HERC4: variants seen among roughly 807,000 people sequenced by gnomAD.
HERC4 encodes the protein probable E3 ubiquitin-protein ligase HERC4.
HERC4 carries 28 observed loss-of-function variants against 124.3 expected under a neutral mutation model. The observed-to-expected ratio is 0.23, with a 90% CI of 0.17 to 0.31. The LOEUF (loss-of-function observed/expected upper bound fraction) is 0.31. HERC4 is among the 10% of genes least tolerant of loss of function. The pLI, the probability that HERC4 is intolerant of heterozygous loss-of-function variation, is 1.00. For missense variants in HERC4, 713 were observed against 1,229.3 expected, an observed-to-expected ratio of 0.58 and a Z score of 6.28; for synonymous variants, 407 against 421.5, an observed-to-expected ratio of 0.97 and a Z score of 0.42.
intron 4 of HERC4, 103 bp downstream of exon 4, chr10:68,044,301 T>G: frequency 1.9e-5 from 20 of 1,065,044 alleles, no homozygotes; most frequent in Non-Finnish European, 2.4e-5. Flanking sequence ...GGAGAAATAA[T>G]GAGATGTCAA....
chr10:67,989,836 T>C, intron 14 of HERC4, among the ~76,000 whole-genome samples: 1 of 152,050 alleles, frequency 6.6e-6, no homozygotes, highest in East Asian at 1.9e-4. Context: ...AAAGGGCTTA[T>C]ATCAGGGTTC....
At chr10:68,031,884 GCT>G (rs2039224796) in intron 7 of HERC4, among the ~76,000 whole-genome samples, 1 of 152,056 alleles carries the variant, frequency 6.6e-6, no homozygotes, top group Non-Finnish European at 1.5e-5. Context: ...CTCCGGAGTA[GCT>G]GGGGATAGGT....
In HERC4 at chr10:67,988,853, A is replaced by G; in HGVS notation, c.1634-18T>C. The G allele has an allele frequency of 1.3e-6, 2 of 1,558,990 alleles. No individual in the cohort carries two copies. Among genetic ancestry groups the G allele is most frequent in the Non-Finnish European group, 1.7e-6 (2 of 1,153,150 alleles). On this transcript the variant is annotated intron_variant, in intron 14 of 24. Coordinates refer to ENST00000373700, the MANE Select transcript of HERC4 (RefSeq NM_015601.4). ...CCAGTTTTCTGTTATTAAAAAGTGA[A>G]CATGCAAATAAAATGAATTTTTTAA...
At position 68,041,427 on chromosome 10, in the gene HERC4, T is replaced by C. The variant is rs187925530; in HGVS notation, c.386+2977A>G. On this transcript the variant is annotated intron_variant, in intron 4 of 24. Transcript: ENST00000373700. ...TAATTTTTCTTTTTAATCTATAATG[T>C]TCCAAATTTTCAGATGCTAAAATTA... is the stretch of plus-strand genomic sequence containing the variant. Among the ~76,000 whole-genome samples the C allele has an allele frequency of 2.7e-3, 406 of 152,290 alleles. 2 individuals carry two copies. The highest frequency in any genetic ancestry group is 9.2e-3 in the African/African-American group (381 of 41,578).
At chr10:68,027,694 G>A (rs1304779618) in intron 7 of HERC4, among the ~76,000 whole-genome samples, 4 of 152,094 alleles carry the variant, frequency 2.6e-5, no homozygotes, top group South Asian at 4.1e-4. Flanking sequence ...AGGCTGAGGC[G>A]GGTGGATCAT....
chr10:67,991,087 T>C lies in HERC4; in HGVS notation c.1331+53A>G. On this transcript the variant is annotated intron_variant, in intron 12 of 24. Coordinates refer to ENST00000373700, the MANE Select transcript of HERC4 (RefSeq NM_015601.4). Reference sequence around the variant, plus strand: ...TATTTCATTTTTTAATTTGATATACTATTTAAGACAATAAATTTGAAAATT... The same window carrying C: ...TATTTCATTTTTTAATTTGATATACCATTTAAGACAATAAATTTGAAAATT... The C allele has an allele frequency of 2.2e-6, 3 of 1,360,370 alleles. No homozygotes were observed. The South Asian group carries it at 5.0e-5, about 23-fold the overall frequency. The allele number at this position is 1,360,370 out of a possible 1,614,324, so 84.3% of individuals were successfully genotyped here. A position where few individuals can be genotyped will look rare whatever the true frequency, so the allele number is the denominator to read the frequency against.
rs1564608420 is a variant in HERC4, at chr10:68,059,657, CATATTATATATTATATTATATATCATA to C, written c.226+13199_226+13225del. On this transcript the variant is annotated intron_variant, in intron 3 of 24. Transcript: ENST00000373700. ...TAATATTATATATTATATTATATATCATATTATATATTATATTATATATCATAATATTATATATTATAATATTATATA... is the reference window on the plus strand; with the variant it reads ...TAATATTATATATTATATTATATATCATATTATATATTATAATATTATATA... Among the ~76,000 whole-genome samples, 10 of 36,856 alleles carry C rather than the reference CATATTATATATTATATTATATATCATA, an allele frequency of 2.7e-4. 1 individual carries two copies. The highest frequency in any genetic ancestry group is 5.3e-4 in the Admixed American group (1 of 1,900). The allele number at this position is 36,856 out of a possible 152,430, so 24.2% of individuals were successfully genotyped here.
intron 24 of HERC4, among the ~76,000 whole-genome samples, chr10:67,924,455 G>A (rs2030636071): frequency 6.6e-6 from 1 of 152,146 alleles, no homozygotes; most frequent in South Asian, 2.1e-4. Context: ...AACCTGTACA[G>A]CATGTTACTG....
chr10:68,064,985 A>C (rs2133813071), intron 3 of HERC4, among the ~76,000 whole-genome samples: 1 of 152,054 alleles, frequency 6.6e-6, no homozygotes, highest in South Asian at 2.1e-4. Flanking sequence ...AAAAAAAAAA[A>C]TCCAAAAAAT....
At chr10:68,071,874 A>G (rs2041592193) in intron 3 of HERC4, among the ~76,000 whole-genome samples, 1 of 152,238 alleles carries the variant, frequency 6.6e-6, no homozygotes, top group Non-Finnish European at 1.5e-5. Context: ...AAAACGATAC[A>G]GTATTTGCAA....
chr10:67,927,378 C>T (rs534358763), intron 23 of HERC4, among the ~76,000 whole-genome samples: 169 of 104,138 alleles, frequency 1.6e-3, no homozygotes, highest in Non-Finnish European at 2.6e-3. Flanking sequence ...AATAAATACA[C>T]CATATATATA....
chr10:67,980,685 AACT>A (rs1415407230), intron 15 of HERC4, among the ~76,000 whole-genome samples: 1 of 152,188 alleles, frequency 6.6e-6, no homozygotes, highest in Non-Finnish European at 1.5e-5. Flanking sequence ...CAAAAATAAC[AACT>A]ACAACAACTT....
chr10:68,009,559 G>A (rs1392111406), intron 9 of HERC4, among the ~76,000 whole-genome samples: 5 of 152,208 alleles, frequency 3.3e-5, no homozygotes, highest in African/African-American at 1.2e-4. Context: ...TTGATGGAGA[G>A]TCTCGCCTCA....
At chr10:67,988,905 G>A (rs1564515852) in intron 14 of HERC4, 70 bp from the exon 15 acceptor site, 2 of 1,280,112 alleles carry the variant, frequency 1.6e-6, no homozygotes, top group Non-Finnish European at 1.1e-6. Context: ...AAATCATACT[G>A]ACTTTTTTTC....
Position 68,059,748 on chromosome 10 carries a change from T to C in HERC4, c.226+13135A>G, listed in dbSNP as rs183668573. Among the ~76,000 whole-genome samples the C allele has an allele frequency of 8.0e-4, 58 of 72,282 alleles. 1 individual carries two copies. Among genetic ancestry groups the C allele is most frequent in the South Asian group, 1.6e-3 (4 of 2,578 alleles). The allele number at this position is 72,282 out of a possible 152,430, so 47.4% of individuals were successfully genotyped here. On this transcript the variant is annotated intron_variant, in intron 3 of 24. Transcript: ENST00000373700. The stretch of plus-strand genomic sequence containing the variant: ...TATTATATATCATAATATTATATAT[T>C]ATAATATTATATATCATAATATTAT...
At chr10:67,956,856 A>G (rs779289359) in intron 17 of HERC4, 22 bp downstream of exon 17, 1 of 1,411,306 alleles carries the variant, frequency 7.1e-7, no homozygotes, top group Non-Finnish European at 9.7e-7. Context: ...AAAAAAAAAA[A>G]CCCTCTCAAA....
At chr10:67,946,969 T>C (rs2033412134) in intron 19 of HERC4, among the ~76,000 whole-genome samples, 1 of 152,094 alleles carries the variant, frequency 6.6e-6, no homozygotes, top group African/African-American at 2.4e-5. Flanking sequence ...CCCAGATATA[T>C]GAAGCAAATA....
At chr10:67,992,558 G>T in intron 10 of HERC4, 48 bp downstream of exon 10, 1 of 1,202,584 alleles carries the variant, frequency 8.3e-7, no homozygotes, top group Admixed American at 2.4e-5. Flanking sequence ...TTTAAAATTT[G>T]TCAAAATTAT....
intron 3 of HERC4, among the ~76,000 whole-genome samples, chr10:68,049,782 A>G (rs1018409652): frequency 6.6e-6 from 1 of 151,854 alleles, no homozygotes; most frequent in Non-Finnish European, 1.5e-5. Context: ...ATGGGGGCAA[A>G]TGCTTGTAGT....
Sources: allele counts gnomAD v4.1 joint callset (sites outside exome capture counted in the v4.1 genomes callset), GRCh38; gene constraint gnomAD v4.1.1; transcripts MANE v1.5; gene names NCBI Gene and HGNC (gene_info 2026-07-23, HGNC 2026-07-21).